SUB1: variants seen among roughly 807,000 people sequenced by gnomAD.
The protein encoded by SUB1 is activated RNA polymerase II transcriptional coactivator p15.
A neutral mutation model predicts 16.9 loss-of-function variants in SUB1; 1 was observed. The observed-to-expected ratio is 0.06, with a 90% confidence interval of 0.02 to 0.28. SUB1 has a LOEUF of 0.28. SUB1 is among the 10% of genes least tolerant of loss of function. The pLI, the probability that SUB1 is intolerant of heterozygous loss-of-function variation, is 1.00. For missense variants in SUB1, 84 were observed against 145.2 expected (o/e 0.58, Z 2.16); for synonymous variants, 51 against 46.9 (o/e 1.09, Z -0.36).
chr5:32,589,692 A>G (rs1348127834), intron 2 of SUB1, among the ~76,000 whole-genome samples: 1 of 152,244 alleles, frequency 6.6e-6, no homozygotes, highest in African/African-American at 2.4e-5. Flanking sequence ...TTTATCGCAT[A>G]GAACTTTACA....
intron 3 of SUB1, among the ~76,000 whole-genome samples, chr5:32,592,622 A>C (rs748956641): frequency 6.6e-6 from 1 of 152,206 alleles, no homozygotes; most frequent in Non-Finnish European, 1.5e-5. Flanking sequence ...TAAAGAAGAA[A>C]TTATGCCAAT....
chr5:32,602,627 T>A lies in SUB1; in HGVS notation c.*1543T>A, dbSNP rs76997867. ...ACATAGTTATCAATTTTTTTTTCTA[T>A]CAGCTATTCTGTTGTATTTCTAAAA... is the stretch of plus-strand genomic sequence containing the variant. On this transcript the variant is annotated 3_prime_UTR_variant, in exon 5 of 5. Transcript: ENST00000265073. 6.2e-6 allele frequency: 1 copy of A among 161,808 alleles called. No individual in the cohort carries two copies. Among genetic ancestry groups the A allele is most frequent in the East Asian group, 1.8e-4 (1 of 5,536 alleles). The allele number at this position is 161,808 out of a possible 1,614,324, so 10.0% of individuals were successfully genotyped here. A position where few individuals can be genotyped will look rare whatever the true frequency, so the allele number is the denominator to read the frequency against.
chr5:32,595,128 TGTCA>T (rs1350238117), intron 3 of SUB1: 4 of 152,220 alleles, frequency 2.6e-5, no homozygotes, highest in African/African-American at 9.7e-5. Context: ...AATAAGAATT[TGTCA>T]GTTTTACTCT....
intron 3 of SUB1, chr5:32,595,924 T>G (rs1046996182): frequency 6.6e-6 from 1 of 152,222 alleles, no homozygotes; most frequent in Non-Finnish European, 1.5e-5. Context: ...TTGTACATCT[T>G]TAGTGTGTTT....
At chr5:32,596,692 C>G (rs1207750253) in intron 3 of SUB1, 1 of 152,064 alleles carries the variant, frequency 6.6e-6, no homozygotes, top group South Asian at 2.1e-4. Context: ...CCCCCTCCCC[C>G]CAAAAAAATC....
intron 1 of SUB1, among the ~76,000 whole-genome samples, chr5:32,586,964 G>A (rs1738687878): frequency 6.6e-6 from 1 of 152,160 alleles, no homozygotes; most frequent in South Asian, 2.1e-4. Flanking sequence ...GCTAATGCAA[G>A]TTTCATCTAG....
Position 32,585,590 on chromosome 5 carries a change from C to T in SUB1, c.-37C>T, listed in dbSNP as rs1165718148. 2.6e-5 allele frequency: 4 copies of T among 152,374 alleles called. No individual in the cohort carries two copies. Among genetic ancestry groups the T allele is most frequent in the East Asian group, 1.9e-4 (1 of 5,178 alleles). The allele number at this position is 152,374 out of a possible 1,614,324, so 9.4% of individuals were successfully genotyped here. On this transcript the variant is annotated 5_prime_UTR_variant, in exon 1 of 5. Transcript: ENST00000265073. ...TTCTCTGTCAGTCGCGAGCGAACGA[C>T]CAAGAGGGTGTTCGACTGCTAGAGC... is the stretch of plus-strand genomic sequence containing the variant.
In SUB1 at chr5:32,601,373, T is replaced by C. The variant is rs7710785; in HGVS notation, c.*289T>C. On this transcript the variant is annotated 3_prime_UTR_variant, in exon 5 of 5. Transcript: ENST00000265073. Reference sequence around the variant, plus strand: ...TTTGATCATAAGAGTTGGTACTGTTTAAGGCCAAAAGTAACAGTTTTTATA... The same window carrying C: ...TTTGATCATAAGAGTTGGTACTGTTCAAGGCCAAAAGTAACAGTTTTTATA... 2.0e-3 allele frequency: 533 copies of C among 261,254 alleles called. 4 individuals are homozygous for C. Among genetic ancestry groups the C allele is most frequent in the African/African-American group, 0.011 (482 of 44,128 alleles). 16.2% of individuals were successfully genotyped at this position (261,254 alleles called of 1,614,324 possible). A position where few individuals can be genotyped will look rare whatever the true frequency, so the allele number is the denominator to read the frequency against.
intron 3 of SUB1, among the ~76,000 whole-genome samples, chr5:32,592,487 A>G (rs1304457539): frequency 1.3e-5 from 2 of 152,218 alleles, no homozygotes; most frequent in Non-Finnish European, 2.9e-5. Context: ...TGACACTGGC[A>G]TCTTTGTACA....
rs1738730830 is a variant in SUB1, at chr5:32,588,478, TATTA to T, written c.-1-29_-1-26del. ...CTAAGTTGAAAGTAGTAGAGTACCT[TATTA>T]ATTATTTTTGTAATGTATTTTTCTT... On this transcript the variant is annotated intron_variant, in intron 1 of 4. Coordinates refer to ENST00000265073, the MANE Select transcript of SUB1 (RefSeq NM_006713.4). 2.5e-6 allele frequency: 4 copies of T among 1,584,622 alleles called. No homozygotes were observed. In the East Asian group the frequency reaches 9.0e-5, roughly 36 times the overall value.
At chr5:32,590,698 C>T (rs551924528) in intron 2 of SUB1, among the ~76,000 whole-genome samples, 2 of 149,556 alleles carry the variant, frequency 1.3e-5, no homozygotes, top group African/African-American at 2.5e-5. Flanking sequence ...CGGGTTCAAG[C>T]GATTCTCCTG....
chr5:32,593,831 C>T (rs568443476), intron 3 of SUB1, among the ~76,000 whole-genome samples: 1 of 152,184 alleles, frequency 6.6e-6, no homozygotes, highest in African/African-American at 2.4e-5. Flanking sequence ...GTAGCTGGGA[C>T]TACAGGCATG....
rs1738830065 is a variant in SUB1, at chr5:32,591,697, T to A, written c.195+12T>A. 6.6e-6 allele frequency: 10 copies of A among 1,516,874 alleles called. No individual in the cohort carries two copies. The highest frequency in any genetic ancestry group is 8.8e-6 in the Non-Finnish European group (10 of 1,137,830). The allele number at this position is 1,516,874 out of a possible 1,614,324, so 94.0% of individuals were successfully genotyped here. A position where few individuals can be genotyped will look rare whatever the true frequency, so the allele number is the denominator to read the frequency against. On this transcript the variant is annotated intron_variant, in intron 3 of 4. Transcript: ENST00000265073. Reference sequence around the variant, plus strand: ...ATAACATGTTTCAGGTAAAGTTGGCTATTTTTTTTTTTTTTTTTTTTGACA... The same window carrying A: ...ATAACATGTTTCAGGTAAAGTTGGCAATTTTTTTTTTTTTTTTTTTTGACA...
intron 3 of SUB1, chr5:32,598,013 C>T (rs896544962): frequency 6.6e-6 from 1 of 152,184 alleles, no homozygotes; most frequent in African/African-American, 2.4e-5. Flanking sequence ...TAGGCAACCA[C>T]AGCTGCAGAT....
intron 1 of SUB1, chr5:32,586,238 A>G (rs933776013): frequency 1.3e-5 from 2 of 152,120 alleles, no homozygotes; most frequent in African/African-American, 4.8e-5. Context: ...ACGGGGTTCT[A>G]GCGGCTTGCT....
At chr5:32,591,485 TA>T in intron 2 of SUB1, 77 bp from the exon 3 acceptor site, 3 of 1,465,500 alleles carry the variant, frequency 2.0e-6, no homozygotes. Context: ...GTTTAAATCT[TA>T]AAAAGTAATG....
chr5:32,586,050 C>G (rs534732073), intron 1 of SUB1: 1 of 152,334 alleles, frequency 6.6e-6, no homozygotes, highest in Admixed American at 6.5e-5. Context: ...AGAGCGGATG[C>G]GGGCGGGAGG....
intron 2 of SUB1, among the ~76,000 whole-genome samples, chr5:32,590,268 T>G (rs1260351368): frequency 6.6e-6 from 1 of 152,172 alleles, no homozygotes; most frequent in Non-Finnish European, 1.5e-5. Context: ...CCTAGCTTCA[T>G]CTAATTTGGT....
rs1383716758 is a variant in SUB1, at chr5:32,603,742, G to C, written c.*2658G>C. 1 of 152,134 alleles carries C rather than the reference G, an allele frequency of 6.6e-6. No individual in the cohort carries two copies. The highest frequency in any genetic ancestry group is 1.5e-5 in the Non-Finnish European group (1 of 68,008). 9.4% of individuals were successfully genotyped at this position (152,134 alleles called of 1,614,324 possible). The stretch of plus-strand genomic sequence containing the variant: ...ACTTGGCTATTGAGGGGAAAATTCA[G>C]TATTAAGTGTTCCTCACAGGAGATA... On this transcript the variant is annotated 3_prime_UTR_variant, in exon 5 of 5. Coordinates refer to ENST00000265073, the MANE Select transcript of SUB1 (RefSeq NM_006713.4).
Sources: gnomAD v4.1 joint callset for allele counts (sites outside exome capture counted in the v4.1 genomes callset) on GRCh38, gnomAD v4.1.1 for gene constraint, MANE v1.5 for transcripts, NCBI Gene and HGNC (gene_info 2026-07-23, HGNC 2026-07-21) for gene names.